MIB1: variants seen among roughly 807,000 people sequenced by gnomAD.
MIB1 encodes MIB E3 ubiquitin protein ligase 1, also known as E3 ubiquitin-protein ligase MIB1.
A neutral mutation model predicts 124.5 loss-of-function variants in MIB1; 278 were observed. The ratio of observed to expected loss-of-function variants is 2.23; its 90% CI spans 2.02 to 2.47. The LOEUF (loss-of-function observed/expected upper bound fraction) is 2.47. MIB1 is among the 30% of genes most tolerant of loss of function. The pLI is 0.00. For synonymous variants in MIB1, 446 were observed against 429.4 expected (o/e 1.04, Z -0.48); for missense variants, 957 against 1,254.4 (o/e 0.76, Z 3.58).
chr18:21,842,787 A>C (rs990718075), intron 13 of MIB1, among the ~76,000 whole-genome samples: 1 of 152,230 alleles, frequency 6.6e-6, no homozygotes, highest in East Asian at 1.9e-4. Context: ...GGAAATATTT[A>C]GAGTTCTAAG....
In MIB1 at chr18:21,734,193, G is replaced by A. The variant is rs1473458604; in HGVS notation, n.167+29070G>A. Among the ~76,000 whole-genome samples the A allele has an allele frequency of 4.8e-5, 7 of 145,308 alleles. No homozygotes were observed. The South Asian group carries it at 1.6e-3, about 32-fold the overall frequency. ...ACGATTTTGGCTTATTGCAAGCTCCGCCTCCCGGGTTCACTCCATTCTGCT... is the reference window on the plus strand; with the variant it reads ...ACGATTTTGGCTTATTGCAAGCTCCACCTCCCGGGTTCACTCCATTCTGCT... On this transcript the variant is annotated intron_variant and non_coding_transcript_variant, in intron 1 of 20. Transcript: ENST00000578646.
rs398032096 is a variant in MIB1, at chr18:21,860,098, C to CTTTTTTTTT, written c.2880+1471_2880+1479dup. 7.3e-3 allele frequency among the ~76,000 whole-genome samples: 193 copies of CTTTTTTTTT among 26,460 alleles called. 58 individuals carry two copies. Among genetic ancestry groups the CTTTTTTTTT allele is most frequent in the African/African-American group, 0.018 (148 of 8,206 alleles). The allele number at this position is 26,460 out of a possible 152,430, so 17.4% of individuals were successfully genotyped here. ...GTGTTGGTTATGTTGTTCTTTATGT[C>CTTTTTTTTT]TTTTTTTTTTTTTTTTTTTTTTTTT... On this transcript the variant is annotated intron_variant, in intron 20 of 20. Coordinates refer to ENST00000261537, the MANE Select transcript of MIB1 (RefSeq NM_020774.4).
chr18:21,709,006 G>C (rs774138179), intron 1 of MIB1, among the ~76,000 whole-genome samples: 5 of 152,104 alleles, frequency 3.3e-5, no homozygotes, highest in Admixed American at 3.3e-4. Context: ...CTTAGAAGTT[G>C]GGAACAATGC....
upstream of MIB1, among the ~76,000 whole-genome samples, chr18:21,739,072 C>T (rs934118159): frequency 2.6e-5 from 4 of 151,572 alleles, no homozygotes; most frequent in African/African-American, 7.3e-5. Context: ...AGAGAAGAAT[C>T]AAATAGATGC....
intron 1 of MIB1, among the ~76,000 whole-genome samples, chr18:21,761,952 C>T (rs567373805): frequency 6.7e-6 from 1 of 148,722 alleles, no homozygotes; most frequent in African/African-American, 2.5e-5. Context: ...AAACCCCCAC[C>T]AAACTGCTAA....
intron 12 of MIB1, among the ~76,000 whole-genome samples, chr18:21,822,800 T>A (rs2041890749): frequency 6.6e-6 from 1 of 152,180 alleles, no homozygotes; most frequent in Admixed American, 6.5e-5. Context: ...CTTTTTGGCC[T>A]TTATACTATA....
intron 8 of MIB1, 137 bp from the exon 9 acceptor site, chr18:21,799,704 G>A: frequency 2.4e-6 from 2 of 838,726 alleles, no homozygotes; most frequent in East Asian, 2.7e-5. Context: ...ATTATAACTT[G>A]CATGGGTAGA....
At chr18:21,804,077 C>T in intron 10 of MIB1, 63 bp downstream of exon 10, 1 of 1,157,788 alleles carries the variant, frequency 8.6e-7, no homozygotes, top group Admixed American at 1.8e-5. Flanking sequence ...ACTTCTATAT[C>T]ATGAGATGGA....
intron 1 of MIB1, among the ~76,000 whole-genome samples, chr18:21,726,236 C>T (rs1476814951): frequency 6.6e-6 from 1 of 151,806 alleles, no homozygotes; most frequent in Non-Finnish European, 1.5e-5. Flanking sequence ...AGAACAATAC[C>T]CTGTCCCTTT....
chr18:21,749,962 T>C (rs1294184133), intron 1 of MIB1, among the ~76,000 whole-genome samples: 1 of 152,028 alleles, frequency 6.6e-6, no homozygotes, highest in Non-Finnish European at 1.5e-5. Context: ...TTTTTAACTT[T>C]CCAGTTTTCT....
chr18:21,843,734 A>G (rs10163723), intron 14 of MIB1, among the ~76,000 whole-genome samples: 142,241 of 152,264 alleles, frequency 0.93, 66,796 homozygotes, highest in South Asian at 0.98. Context: ...GAACATTATG[A>G]TTTGGTCCTG....
chr18:21,705,365 G>C (rs886587317), intron 1 of MIB1, among the ~76,000 whole-genome samples: 5 of 152,200 alleles, frequency 3.3e-5, no homozygotes, highest in African/African-American at 9.7e-5. Flanking sequence ...AAAAGGTCAA[G>C]AATAGCAACC....
chr18:21,752,999 A>G (rs1365961828), intron 1 of MIB1, among the ~76,000 whole-genome samples: 1 of 152,158 alleles, frequency 6.6e-6, no homozygotes, highest in Non-Finnish European at 1.5e-5. Flanking sequence ...CAAAGGGCTA[A>G]CATAGATACT....
At chr18:21,739,633 T>C (rs2040819574), upstream of MIB1, among the ~76,000 whole-genome samples, 1 of 152,014 alleles carries the variant, frequency 6.6e-6, no homozygotes, top group Non-Finnish European at 1.5e-5. Context: ...GATAAACACT[T>C]TGGGAGGCTG....
chr18:21,752,002 TC>T (rs2040980233), intron 1 of MIB1, among the ~76,000 whole-genome samples: 2 of 152,196 alleles, frequency 1.3e-5, no homozygotes, highest in African/African-American at 4.8e-5. Context: ...ACACAATATG[TC>T]ACAGGTAGTT....
chr18:21,746,397 T>C (rs1406709434), intron 1 of MIB1, among the ~76,000 whole-genome samples: 1 of 152,196 alleles, frequency 6.6e-6, no homozygotes, highest in Non-Finnish European at 1.5e-5. Context: ...ATAGTTAAAC[T>C]TTGCAGAGAG....
intron 10 of MIB1, among the ~76,000 whole-genome samples, chr18:21,805,449 T>G (rs2041693300): frequency 6.6e-6 from 1 of 152,228 alleles, no homozygotes; most frequent in Admixed American, 6.5e-5. Context: ...CTTTCTTGAT[T>G]GTAAGTTTAG....
intron 1 of MIB1, among the ~76,000 whole-genome samples, chr18:21,747,242 A>G (rs2040922114): frequency 6.6e-6 from 1 of 152,242 alleles, no homozygotes; most frequent in African/African-American, 2.4e-5. Flanking sequence ...GTAAATTATG[A>G]AAGTCTATCT....
At chr18:21,727,840 C>T (rs113935395) in intron 1 of MIB1, among the ~76,000 whole-genome samples, 3,416 of 152,236 alleles carry the variant, frequency 0.022, 69 homozygotes, top group Non-Finnish European at 0.037. Flanking sequence ...CAAGCTGCCA[C>T]GGGTTCTACA....
Sources: gnomAD v4.1 joint callset for allele counts (sites outside exome capture counted in the v4.1 genomes callset) on GRCh38, gnomAD v4.1.1 for gene constraint, MANE v1.5 for transcripts, NCBI Gene and HGNC (gene_info 2026-07-23, HGNC 2026-07-21) for gene names.